The following STX3 variants were observed in gnomAD, a reference collection of about 807,000 sequenced individuals.
STX3 encodes syntaxin 3, also known as syntaxin-3.
Under a neutral mutation model 40.2 loss-of-function variants are expected in STX3, and 19 were observed. The ratio of observed to expected loss-of-function variants is 0.47; its 90% CI spans 0.33 to 0.69. STX3 has a LOEUF of 0.69. Ranked by LOEUF, STX3 falls within the 30% of genes least tolerant of loss-of-function variation. STX3 has a pLI of 0.02. For synonymous variants in STX3, 122 were observed against 132.2 expected, an observed-to-expected ratio of 0.92 and a Z score of 0.53; for missense variants, 364 against 366.7, an observed-to-expected ratio of 0.99 and a Z score of 0.06.
intron 1 of STX3, among the ~76,000 whole-genome samples, chr11:59,771,411 C>T (rs1460835115): frequency 3.4e-5 from 4 of 118,504 alleles, no homozygotes; most frequent in Admixed American, 8.1e-5. Context: ...CCTCCCCCCC[C>T]CCGCCCGCCC....
At chr11:59,784,953 A>C (rs1056033026) in intron 2 of STX3, among the ~76,000 whole-genome samples, 2 of 152,196 alleles carry the variant, frequency 1.3e-5, no homozygotes, top group Non-Finnish European at 2.9e-5. Flanking sequence ...AATCTAATGG[A>C]AAAAAGCTTC....
chr11:59,763,942 C>T (rs934634705), intron 1 of STX3, among the ~76,000 whole-genome samples: 10 of 151,308 alleles, frequency 6.6e-5, no homozygotes, highest in African/African-American at 2.4e-4. Context: ...CACTTGAACC[C>T]GGGAGGTGGA....
At chr11:59,760,665 T>G (rs1160024061) in intron 1 of STX3, among the ~76,000 whole-genome samples, 2 of 152,168 alleles carry the variant, frequency 1.3e-5, no homozygotes, top group Non-Finnish European at 1.5e-5. Flanking sequence ...CTCTCAACCC[T>G]GCAAAGCAAA....
chr11:59,782,705 A>G (rs1249454524), intron 2 of STX3, among the ~76,000 whole-genome samples: 2 of 152,062 alleles, frequency 1.3e-5, no homozygotes, highest in Admixed American at 6.6e-5. Context: ...TGAAAAGTAC[A>G]TTTTAGGCTG....
rs567387596 is a variant in STX3 at position 59,786,146 on chromosome 11, A to G, written c.115-891A>G. Among the ~76,000 whole-genome samples the G allele has an allele frequency of 9.9e-5, 15 of 152,222 alleles. No individual in the cohort carries two copies. The South Asian group carries it at 3.1e-3, about 32-fold the overall frequency. Reference sequence around the variant, plus strand: ...TGAGGAAATCAGTTAGTACAAGAACATATGTGTCCTAGAGAAGCTTGGGCT... The same window carrying G: ...TGAGGAAATCAGTTAGTACAAGAACGTATGTGTCCTAGAGAAGCTTGGGCT... On this transcript the variant is annotated intron_variant, in intron 2 of 10. Transcript: ENST00000337979.
intron 1 of STX3, among the ~76,000 whole-genome samples, chr11:59,762,600 G>A (rs190278952): frequency 6.6e-6 from 1 of 152,302 alleles, no homozygotes; most frequent in Admixed American, 6.5e-5. Context: ...GGGTTGGGGA[G>A]AAGGCTGAGG....
chr11:59,789,109 C>T (rs1473170366), intron 4 of STX3, 162 bp downstream of exon 4: 5 of 579,700 alleles, frequency 8.6e-6, no homozygotes, highest in Non-Finnish European at 1.5e-5. Context: ...TCCATTGTAG[C>T]CCCAGAAATT....
Position 59,805,818 on chromosome 11 carries a change from A to C in STX3, c.*4994A>C, listed in dbSNP as rs75567003. 9,997 of 153,132 alleles carry C rather than the reference A, an allele frequency of 0.065. 700 individuals carry two copies. The highest frequency in any genetic ancestry group is 0.17 in the African/African-American group (6,949 of 41,478). 9.5% of individuals were successfully genotyped at this position (153,132 alleles called of 1,614,324 possible). On this transcript the variant is annotated 3_prime_UTR_variant, in exon 11 of 11. Transcript: ENST00000337979. The stretch of plus-strand genomic sequence containing the variant: ...ATGTTCCTTGCCTATTGTCCAACAT[A>C]CCCCTTCCAAGATTGTGAGAAGATG...
intron 1 of STX3, among the ~76,000 whole-genome samples, chr11:59,762,743 G>T (rs545824216): frequency 5.5e-4 from 84 of 152,280 alleles, no homozygotes; most frequent in African/African-American, 1.9e-3. Flanking sequence ...GTGTGGGGTG[G>T]AGGAGGAAGG....
intron 1 of STX3, among the ~76,000 whole-genome samples, chr11:59,766,859 A>G (rs1006176281): frequency 6.8e-4 from 104 of 152,334 alleles, no homozygotes; most frequent in Non-Finnish European, 1.5e-4. Flanking sequence ...TCTGACCTGC[A>G]TGTTCTCAAC....
rs185827912 is a variant in STX3, at chr11:59,783,227, G to A, written c.115-3810G>A. On this transcript the variant is annotated intron_variant, in intron 2 of 10. Transcript: ENST00000337979. Reference sequence around the variant, plus strand: ...GCAACTGATCCATTCTCCCAAAACAGTGGATTGAACATGCACATTAACCTG... The same window carrying A: ...GCAACTGATCCATTCTCCCAAAACAATGGATTGAACATGCACATTAACCTG... Among the ~76,000 whole-genome samples, 16 of 152,306 alleles carry A rather than the reference G, an allele frequency of 1.1e-4. No homozygotes were observed. In the East Asian group the frequency reaches 1.9e-3, roughly 18 times the overall value.
chr11:59,784,703 G>A (rs946441026), intron 2 of STX3, among the ~76,000 whole-genome samples: 3 of 152,184 alleles, frequency 2.0e-5, no homozygotes, highest in African/African-American at 2.4e-5. Flanking sequence ...ATCAGATCTT[G>A]TGAGACTTAC....
chr11:59,766,500 C>T (rs1863290198), intron 1 of STX3, among the ~76,000 whole-genome samples: 1 of 152,156 alleles, frequency 6.6e-6, no homozygotes, highest in Admixed American at 6.5e-5. Context: ...CAGCTACGTC[C>T]CCCCATTGGC....
chr11:59,796,741 G>A (rs1226349424), intron 9 of STX3, among the ~76,000 whole-genome samples: 1 of 152,216 alleles, frequency 6.6e-6, no homozygotes, highest in Non-Finnish European at 1.5e-5. Context: ...CAGAACTGCA[G>A]TGTGAGCTGA....
At chr11:59,788,818 C>G in intron 3 of STX3, 55 bp from the exon 4 acceptor site, 7 of 1,484,138 alleles carry the variant, frequency 4.7e-6, no homozygotes, top group Non-Finnish European at 6.5e-6. Context: ...CTGTAGTTCA[C>G]AAAGGAATCA....
At chr11:59,761,088 C>T (rs1863008354) in intron 1 of STX3, among the ~76,000 whole-genome samples, 1 of 152,128 alleles carries the variant, frequency 6.6e-6, no homozygotes, top group South Asian at 2.1e-4. Context: ...TGAGGGAATC[C>T]ATATGTTTGC....
rs1367574726 is a variant in STX3, at chr11:59,802,540, G to A, written c.*1716G>A. 2.0e-6 allele frequency: 2 copies of A among 985,742 alleles called. No homozygotes were observed. Among genetic ancestry groups the A allele is most frequent in the African/African-American group, 1.7e-5 (1 of 57,224 alleles). 61.1% of individuals were successfully genotyped at this position (985,742 alleles called of 1,614,324 possible). On this transcript the variant is annotated 3_prime_UTR_variant, in exon 11 of 11. Coordinates refer to ENST00000337979, the MANE Select transcript of STX3 (RefSeq NM_004177.5). ...CAGTGGATGGGCTCCAGCAACAAGAGACAAAATAACTAAAGGCCTTTGCTC... is the reference window on the plus strand; with the variant it reads ...CAGTGGATGGGCTCCAGCAACAAGAAACAAAATAACTAAAGGCCTTTGCTC...
intron 3 of STX3, among the ~76,000 whole-genome samples, chr11:59,787,948 AG>A (rs1170727003): frequency 3.9e-5 from 6 of 152,146 alleles, no homozygotes; most frequent in Non-Finnish European, 8.8e-5. Context: ...ACTTTAGCAG[AG>A]CATATGGGCA....
chr11:59,801,905 G>C lies in STX3; in HGVS notation c.*1081G>C. On this transcript the variant is annotated 3_prime_UTR_variant, in exon 11 of 11. Coordinates refer to ENST00000337979, the MANE Select transcript of STX3 (RefSeq NM_004177.5). Reference sequence around the variant, plus strand: ...CCTGCAAATGAATCACTGTGGAAATGTGATCTTCCCATATCATCAAGAAAC... The same window carrying C: ...CCTGCAAATGAATCACTGTGGAAATCTGATCTTCCCATATCATCAAGAAAC... 2 of 985,436 alleles carry C rather than the reference G, an allele frequency of 2.0e-6. No individual in the cohort carries two copies. Among genetic ancestry groups the C allele is most frequent in the Non-Finnish European group, 2.4e-6 (2 of 829,912 alleles). The allele number at this position is 985,436 out of a possible 1,614,324, so 61.0% of individuals were successfully genotyped here. A position where few individuals can be genotyped will look rare whatever the true frequency, so the allele number is the denominator to read the frequency against.
Sources: allele counts gnomAD v4.1 joint callset (sites outside exome capture counted in the v4.1 genomes callset), GRCh38; gene constraint gnomAD v4.1.1; transcripts MANE v1.5; gene names NCBI Gene and HGNC (gene_info 2026-07-23, HGNC 2026-07-21).